The following SPSB4 variants were observed in gnomAD, a reference collection of about 807,000 sequenced individuals.
SPSB4 encodes SPRY domain-containing SOCS box protein 4.
SPSB4 carries 21 observed loss-of-function variants against 20.9 expected under a neutral mutation model. The observed-to-expected ratio is 1.01, with a 90% CI of 0.71 to 1.45. The LOEUF (loss-of-function observed/expected upper bound fraction) is 1.45. Ranked by LOEUF, SPSB4 falls within the 40% of genes most tolerant of loss-of-function variation. SPSB4 has a pLI of 0.00. For synonymous variants in SPSB4, 207 were observed against 183.8 expected, an observed-to-expected ratio of 1.13 and a Z score of -1.02; for missense variants, 399 against 399.2, an observed-to-expected ratio of 1.00 and a Z score of 0.00.
intron 1 of SPSB4, among the ~76,000 whole-genome samples, chr3:141,055,835 G>A (rs1937627980): frequency 6.6e-6 from 1 of 152,186 alleles, no homozygotes; most frequent in African/African-American, 2.4e-5. Context: ...GGAGGCTTAT[G>A]ATGGAAAGAG....
chr3:141,114,058 A>G (rs561975395), intron 2 of SPSB4, among the ~76,000 whole-genome samples: 32 of 152,336 alleles, frequency 2.1e-4, no homozygotes, highest in African/African-American at 6.3e-4. Flanking sequence ...ACTGCACTCT[A>G]GCCTGAGTGA....
chr3:141,066,251 T>C lies in SPSB4; in HGVS notation c.147T>C (p.Ala49=). Residue 49 remains alanine, a synonymous_variant, in exon 2 of 3, where the codon GCT becomes GCC. Coordinates refer to ENST00000310546, the MANE Select transcript of SPSB4 (RefSeq NM_080862.3). ...QLLDMPAAGL[A]VQLRHAWNPE... ...TGGACATGCCAGCGGCGGGGCTGGC[T>C]GTGCAGCTGCGGCACGCGTGGAACC... 1 of 1,536,368 alleles carries C rather than the reference T, an allele frequency of 6.5e-7. No homozygotes were observed. Among genetic ancestry groups the C allele is most frequent in the Non-Finnish European group, 8.8e-7 (1 of 1,142,310 alleles).
At chr3:141,125,085 C>A (rs899668376) in intron 2 of SPSB4, among the ~76,000 whole-genome samples, 1 of 152,038 alleles carries the variant, frequency 6.6e-6, no homozygotes, top group African/African-American at 2.4e-5. Context: ...TTTTCATTTC[C>A]CCCCACAAGA....
chr3:141,111,854 A>G (rs954769262), intron 2 of SPSB4, among the ~76,000 whole-genome samples: 2 of 152,122 alleles, frequency 1.3e-5, no homozygotes, highest in African/African-American at 2.4e-5. Flanking sequence ...TGCCATATTC[A>G]TTTCTCAGGA....
In SPSB4 at chr3:141,130,541, G is replaced by A. The variant is rs866161113; in HGVS notation, c.695-16601G>A. Among the ~76,000 whole-genome samples, 6 of 152,236 alleles carry A rather than the reference G, an allele frequency of 3.9e-5. No homozygotes were observed. The South Asian group carries it at 6.2e-4, about 16-fold the overall frequency. On this transcript the variant is annotated intron_variant, in intron 2 of 2. Coordinates refer to ENST00000310546, the MANE Select transcript of SPSB4 (RefSeq NM_080862.3). The stretch of plus-strand genomic sequence containing the variant: ...TCACTCAAACCCTCCCCTATCTGCC[G>A]ACCATTGTCTAAAATTACAAGAGAA...
rs1467049042 is a variant in SPSB4, at chr3:141,056,400, C to CCCTTTCT, written c.-154+4412_-154+4418dup. On this transcript the variant is annotated intron_variant, in intron 1 of 2. Coordinates refer to ENST00000310546, the MANE Select transcript of SPSB4 (RefSeq NM_080862.3). ...GAGCAGCTCCCTCCCCGATCCTGCT[C>CCCTTTCT]CCTTTCTCCTCTCTTCCTCTCATCC... 3.7e-4 allele frequency among the ~76,000 whole-genome samples: 56 copies of CCCTTTCT among 152,190 alleles called. 3 individuals carry two copies. The highest frequency in any genetic ancestry group is 1.3e-4 in the Non-Finnish European group (9 of 68,022).
rs147655955 is a variant in SPSB4, at chr3:141,142,899, T to C, written c.695-4243T>C. On this transcript the variant is annotated intron_variant, in intron 2 of 2. Transcript: ENST00000310546. ...TGGCATGATCTCAGCTCATTGCAAGTTCCACCTCCCAGGTTCACACCATTC... is the reference window on the plus strand; with the variant it reads ...TGGCATGATCTCAGCTCATTGCAAGCTCCACCTCCCAGGTTCACACCATTC... Among the ~76,000 whole-genome samples, 436 of 143,078 alleles carry C rather than the reference T, an allele frequency of 3.0e-3. 1 individual carries two copies. The highest frequency in any genetic ancestry group is 6.3e-3 in the Admixed American group (80 of 12,716). The allele number at this position is 143,078 out of a possible 152,430, so 93.9% of individuals were successfully genotyped here.
At chr3:141,132,349 G>A (rs1015446294) in intron 2 of SPSB4, 2 of 280,888 alleles carry the variant, frequency 7.1e-6, no homozygotes, top group African/African-American at 2.4e-5. Flanking sequence ...TGTATTTTTA[G>A]TAGAGACAGG....
chr3:141,052,802 G>T (rs1392213924), intron 1 of SPSB4, among the ~76,000 whole-genome samples: 9 of 152,196 alleles, frequency 5.9e-5, no homozygotes, highest in Admixed American at 5.9e-4. Flanking sequence ...GAGGGGGTCA[G>T]AGACTTGAGC....
intron 2 of SPSB4, among the ~76,000 whole-genome samples, chr3:141,075,822 G>A (rs113117131): frequency 1.7e-3 from 255 of 150,700 alleles, no homozygotes; most frequent in African/African-American, 6.1e-3. Flanking sequence ...CGAGGCAGGC[G>A]GATCACTTGA....
At chr3:141,057,880 C>T (rs902028317) in intron 1 of SPSB4, among the ~76,000 whole-genome samples, 40 of 152,164 alleles carry the variant, frequency 2.6e-4, no homozygotes, top group African/African-American at 8.4e-4. Flanking sequence ...TTTCTTTTTA[C>T]AGTCTTTGTC....
intron 1 of SPSB4, among the ~76,000 whole-genome samples, chr3:141,053,744 T>A (rs1472259805): frequency 2.6e-5 from 4 of 152,060 alleles, no homozygotes; most frequent in East Asian, 1.9e-4. Context: ...GATTTTTTTT[T>A]AATGTATCAA....
intron 2 of SPSB4, among the ~76,000 whole-genome samples, chr3:141,106,724 G>T (rs553277130): frequency 6.6e-6 from 1 of 152,154 alleles, no homozygotes; most frequent in African/African-American, 2.4e-5. Flanking sequence ...AGGGTCTGAC[G>T]TCTCTCTCTC....
chr3:141,136,823 G>A (rs1458358410), intron 2 of SPSB4, among the ~76,000 whole-genome samples: 2 of 152,148 alleles, frequency 1.3e-5, no homozygotes, highest in African/African-American at 4.8e-5. Flanking sequence ...GGCGATGTGG[G>A]CTCTTTTTTG....
chr3:141,114,119 T>G (rs186726192), intron 2 of SPSB4, among the ~76,000 whole-genome samples: 1 of 152,222 alleles, frequency 6.6e-6, no homozygotes, highest in African/African-American at 2.4e-5. Flanking sequence ...AATTTCATGT[T>G]ATGTAAACTT....
rs375599380 is a variant in SPSB4, at chr3:141,109,335, T to C, written c.695-37807T>C. 2.6e-5 allele frequency among the ~76,000 whole-genome samples: 4 copies of C among 152,178 alleles called. No individual in the cohort carries two copies. The South Asian group carries it at 8.3e-4, about 32-fold the overall frequency. On this transcript the variant is annotated intron_variant, in intron 2 of 2. Coordinates refer to ENST00000310546, the MANE Select transcript of SPSB4 (RefSeq NM_080862.3). ...CTTGACAATGGTGGGAGCTCAGTTGTTAGTCCTAGCTTAGAGACCTTCTCA... is the reference window on the plus strand; with the variant it reads ...CTTGACAATGGTGGGAGCTCAGTTGCTAGTCCTAGCTTAGAGACCTTCTCA...
rs764892464 is a variant in SPSB4 at position 141,066,385 on chromosome 3, C to A, written c.281C>A (p.Ala94Asp). Reference protein sequence around the residue: ...TDGIRGKVGHARGLHAWQINW... With the variant: ...TDGIRGKVGHDRGLHAWQINW... ...GGCATCCGCGGCAAGGTGGGCCACG[C>A]CCGCGGCCTGCACGCCTGGCAGATC... Residue 94 changes from alanine to aspartate, a missense_variant, in exon 2 of 3, where the codon GCC (alanine) becomes GAC (aspartate). By Grantham distance (126) the Ala-to-Asp change is moderately radical. Coordinates refer to ENST00000310546, the MANE Select transcript of SPSB4 (RefSeq NM_080862.3). 3.2e-6 allele frequency: 5 copies of A among 1,544,378 alleles called. No homozygotes were observed. Among genetic ancestry groups the A allele is most frequent in the Non-Finnish European group, 3.5e-6 (4 of 1,146,384 alleles).
intron 2 of SPSB4, among the ~76,000 whole-genome samples, chr3:141,088,729 G>A (rs1477935771): frequency 1.3e-5 from 2 of 152,192 alleles, no homozygotes; most frequent in Non-Finnish European, 2.9e-5. Context: ...CCTAGTGAAT[G>A]AGCCCAGGAT....
chr3:141,114,445 C>A (rs1938854000), intron 2 of SPSB4, among the ~76,000 whole-genome samples: 1 of 152,224 alleles, frequency 6.6e-6, no homozygotes. Context: ...CCTCTACTCA[C>A]CGGCTCTGCA....
Sources: gnomAD v4.1 joint callset for allele counts (sites outside exome capture counted in the v4.1 genomes callset) on GRCh38, gnomAD v4.1.1 for gene constraint, MANE v1.5 for transcripts, NCBI Gene and HGNC (gene_info 2026-07-23, HGNC 2026-07-21) for gene names.